C1QTNF7: variants seen among roughly 807,000 people sequenced by gnomAD.
C1QTNF7 encodes the protein complement C1q tumor necrosis factor-related protein 7.
Under a neutral mutation model 19.6 loss-of-function variants are expected in C1QTNF7, and 15 were observed. The observed-to-expected ratio is 0.76, with a 90% confidence interval of 0.51 to 1.18. C1QTNF7 has a LOEUF of 1.18. Among genes scored for constraint, C1QTNF7 ranks in the 50% most tolerant of loss-of-function variants. C1QTNF7 has a pLI of 0.00. For synonymous variants in C1QTNF7, 142 were observed against 137.5 expected, an observed-to-expected ratio of 1.03 and a Z score of -0.23; for missense variants, 324 against 359.7, an observed-to-expected ratio of 0.90 and a Z score of 0.80.
chr4:15,381,018 C>A (rs1408427328), intron 1 of C1QTNF7, among the ~76,000 whole-genome samples: 1 of 152,082 alleles, frequency 6.6e-6, no homozygotes, highest in Non-Finnish European at 1.5e-5. Flanking sequence ...CCATACTTGT[C>A]AAAATATGCC....
chr4:15,368,589 C>T (rs1190412717), intron 1 of C1QTNF7, among the ~76,000 whole-genome samples: 1 of 152,170 alleles, frequency 6.6e-6, no homozygotes, highest in Admixed American at 6.5e-5. Context: ...TGGTTTCCAG[C>T]TTCATCCATG....
intron 1 of C1QTNF7, among the ~76,000 whole-genome samples, chr4:15,352,399 C>T (rs140938878): frequency 2.0e-5 from 3 of 152,100 alleles, no homozygotes; most frequent in Non-Finnish European, 2.9e-5. Context: ...CCAAGGCCCA[C>T]GGTCTTTTCA....
At chr4:15,430,291 A>G (rs1712245907) in intron 1 of C1QTNF7, among the ~76,000 whole-genome samples, 1 of 152,210 alleles carries the variant, frequency 6.6e-6, no homozygotes, top group African/African-American at 2.4e-5. Context: ...TTCAAGATTA[A>G]CAGTATTTCC....
intron 1 of C1QTNF7, among the ~76,000 whole-genome samples, chr4:15,413,113 A>C (rs1351767020): frequency 6.6e-6 from 1 of 152,224 alleles, no homozygotes; most frequent in Non-Finnish European, 1.5e-5. Context: ...ACCAAATTTG[A>C]TCAAAATGAA....
In C1QTNF7 at chr4:15,442,283, T is replaced by G; in HGVS notation, c.354T>G (p.Ile118Met). 6 of 1,614,050 alleles carry G rather than the reference T, an allele frequency of 3.7e-6. 1 individual carries two copies. In the South Asian group the frequency reaches 6.6e-5, roughly 18 times the overall value. ...PEGEKGEVGP[I>M]GPPGPKGDRG... Reference sequence around the variant, plus strand: ...GAGAGAAAGGAGAAGTAGGTCCAATTGGTCCTCCTGGACCAAAGGGAGACA... The same window carrying G: ...GAGAGAAAGGAGAAGTAGGTCCAATGGGTCCTCCTGGACCAAAGGGAGACA... Residue 118 changes from isoleucine to methionine, a missense_variant, in exon 3 of 3, where the codon ATT (isoleucine) becomes ATG (methionine). Physicochemically the swap from Ile to Met is conservative, Grantham distance 10. Transcript: ENST00000444304.
chr4:15,393,905 A>C (rs2108901849), intron 1 of C1QTNF7, among the ~76,000 whole-genome samples: 1 of 152,302 alleles, frequency 6.6e-6, no homozygotes, highest in Admixed American at 6.5e-5. Flanking sequence ...CTTTCTAATG[A>C]GGATAGACAG....
Position 15,435,939 on chromosome 4 carries a change from A to G in C1QTNF7, c.196A>G (p.Arg66Gly). The G allele has an allele frequency of 6.2e-7, 1 of 1,614,096 alleles. No homozygotes were observed. Among genetic ancestry groups the G allele is most frequent in the Non-Finnish European group, 8.5e-7 (1 of 1,180,006 alleles). ...CATCGGCCTTCCAGGAAGAGATGGT[A>G]GAGACGGCAGGAAAGGAGAGAAAGG... is the stretch of plus-strand genomic sequence containing the variant. The part of the protein sequence containing the change: ...GRIGLPGRDG[R>G]DGRKGEKGEK... Residue 66 changes from arginine (R) to glycine (G), a missense_variant, in exon 2 of 3, where the codon AGA (arginine) becomes GGA (glycine). Coordinates refer to ENST00000444304, the MANE Select transcript of C1QTNF7 (RefSeq NM_031911.5).
At chr4:15,391,783 A>G (rs1043616967) in intron 1 of C1QTNF7, among the ~76,000 whole-genome samples, 47 of 152,368 alleles carry the variant, frequency 3.1e-4, no homozygotes, top group African/African-American at 1.1e-3. Context: ...AGCTTTATCA[A>G]TGGGGTGGGA....
At position 15,442,511 on chromosome 4, in the gene C1QTNF7, C is replaced by T. The variant is rs951057366; in HGVS notation, c.582C>T (p.Tyr194=). ...KFICAFPGIY[Y]FSYDITLANK... ...TCTGTGCTTTCCCAGGGATCTATTA[C>T]TTTTCTTATGATATCACATTGGCTA... The change falls in exon 3 of 3, where the codon TAC becomes TAT. Residue 194 remains tyrosine (Y), a synonymous_variant. Transcript: ENST00000444304. The T allele has an allele frequency of 6.2e-7, 1 of 1,614,080 alleles. No homozygotes were observed. The highest frequency in any genetic ancestry group is 1.7e-5 in the Admixed American group (1 of 60,002).
intron 1 of C1QTNF7, among the ~76,000 whole-genome samples, chr4:15,347,321 C>T (rs535702600): frequency 1.3e-5 from 2 of 152,174 alleles, no homozygotes; most frequent in Non-Finnish European, 2.9e-5. Flanking sequence ...GAATCTCACC[C>T]TTCTTAATGT....
intron 1 of C1QTNF7, among the ~76,000 whole-genome samples, chr4:15,418,666 A>G (rs893051882): frequency 6.6e-6 from 1 of 152,088 alleles, no homozygotes; most frequent in African/African-American, 2.4e-5. Flanking sequence ...ATCTCTCTTT[A>G]GTTATATAGG....
Position 15,442,220 on chromosome 4 carries a change from A to G in C1QTNF7, c.291A>G (p.Gln97=). The change falls in exon 3 of 3, where the codon CAA becomes CAG. Residue 97 remains glutamine (Q), a synonymous_variant. Transcript: ENST00000444304. ...GTCTTGCCGGTGAGAAAGGGGACCA[A>G]GGAGAGACTGGGAAGAAAGGACCCA... is the stretch of plus-strand genomic sequence containing the variant. The part of the protein sequence containing the change: ...PLGLAGEKGD[Q]GETGKKGPIG... 3 of 1,613,946 alleles carry G rather than the reference A, an allele frequency of 1.9e-6. No individual in the cohort carries two copies. Among genetic ancestry groups the G allele is most frequent in the Non-Finnish European group, 2.5e-6 (3 of 1,179,944 alleles).
chr4:15,418,276 C>G (rs1711539664), intron 1 of C1QTNF7, among the ~76,000 whole-genome samples: 1 of 152,088 alleles, frequency 6.6e-6, no homozygotes, highest in Non-Finnish European at 1.5e-5. Flanking sequence ...TCGTTTTATG[C>G]ACAACAAAGA....
intron 1 of C1QTNF7, chr4:15,358,731 A>G (rs1182918432): frequency 6.6e-6 from 1 of 152,194 alleles, no homozygotes; most frequent in African/African-American, 2.4e-5. Context: ...ATTAGAGGAC[A>G]TACCACATTT....
chr4:15,424,193 T>C (rs746968220), upstream of C1QTNF7, among the ~76,000 whole-genome samples: 7 of 152,174 alleles, frequency 4.6e-5, no homozygotes, highest in Non-Finnish European at 7.3e-5. Context: ...CAAATCTCAA[T>C]CAAATTTTCT....
At chr4:15,396,366 C>T (rs549067912) in intron 1 of C1QTNF7, among the ~76,000 whole-genome samples, 12 of 152,208 alleles carry the variant, frequency 7.9e-5, no homozygotes, top group African/African-American at 2.9e-4. Flanking sequence ...CACAGAGGAC[C>T]ATAAAATGTA....
In C1QTNF7 at chr4:15,435,693, C is replaced by T. The variant is rs755443466; in HGVS notation, c.-8-43C>T. On this transcript the variant is annotated intron_variant, in intron 1 of 2. Transcript: ENST00000444304. ...TCAATCATGCCAAACCACACCCCTC[C>T]CAACACAGAAAGTTCATTTACGTCT... 3.3e-5 allele frequency: 53 copies of T among 1,608,006 alleles called. No individual in the cohort carries two copies. In the Middle Eastern group the frequency reaches 6.6e-4, roughly 20 times the overall value.
chr4:15,386,148 C>T (rs1324162958), intron 1 of C1QTNF7, among the ~76,000 whole-genome samples: 1 of 152,172 alleles, frequency 6.6e-6, no homozygotes, highest in Non-Finnish European at 1.5e-5. Context: ...CATCCCAGCC[C>T]GGCTCCACAG....
At chr4:15,437,065 G>C (rs1010612134) in intron 2 of C1QTNF7, among the ~76,000 whole-genome samples, 1 of 152,144 alleles carries the variant, frequency 6.6e-6, no homozygotes, top group Non-Finnish European at 1.5e-5. Context: ...GAGCTAAAAT[G>C]TAAGTTTTTA....
Sources: gnomAD v4.1 joint callset for allele counts (sites outside exome capture counted in the v4.1 genomes callset) on GRCh38, gnomAD v4.1.1 for gene constraint, MANE v1.5 for transcripts, NCBI Gene and HGNC (gene_info 2026-07-23, HGNC 2026-07-21) for gene names.